The following NPR2 variants were observed in gnomAD, a reference collection of about 807,000 sequenced individuals.
The protein encoded by NPR2 is natriuretic peptide receptor 2.
Under a neutral mutation model 120.7 loss-of-function variants are expected in NPR2, and 49 were observed. The observed-to-expected ratio is 0.41, with a 90% CI of 0.32 to 0.52. The LOEUF (loss-of-function observed/expected upper bound fraction) is 0.52, where lower values mean the gene tolerates loss of function less well. NPR2 is among the 20% of genes least tolerant of loss of function. The pLI, the probability that NPR2 is intolerant of heterozygous loss-of-function variation, is 0.36. For missense variants in NPR2, 931 were observed against 1,362.9 expected (o/e 0.68, Z 4.99); for synonymous variants, 484 against 519.8 (o/e 0.93, Z 0.94).
chr9:35,809,413 G>A lies in NPR2; in HGVS notation c.3112G>A (p.Gly1038Arg). The change falls in exon 22 of 22, where the codon GGA becomes AGA. Residue 1038 changes from glycine (G) to arginine (R), a missense_variant. Around this residue, in one of 3 missense-constraint regions of NPR2, gnomAD observed 184 missense variants for 328.3 expected, o/e 0.56. Coordinates refer to ENST00000342694, the MANE Select transcript of NPR2 (RefSeq NM_003995.4). This position sits in a 1 kb window ranked among gnomAD's most constrained non-coding sequence, Gnocchi z 4.1. ...KGKMRTYWLL[G>R]ERKGPPGLL ...AAAGATGCGAACATACTGGCTCTTAGGAGAGCGGAAAGGACCTCCTGGACT... is the reference window on the plus strand; with the variant it reads ...AAAGATGCGAACATACTGGCTCTTAAGAGAGCGGAAAGGACCTCCTGGACT... 3 of 1,614,202 alleles carry A rather than the reference G, an allele frequency of 1.9e-6. No individual in the cohort carries two copies. The highest frequency in any genetic ancestry group is 2.5e-6 in the Non-Finnish European group (3 of 1,180,026).
Position 35,792,972 on chromosome 9 carries a change from T to C in NPR2, c.564T>C (p.Phe188=). Reference sequence around the variant, plus strand: ...ACTACTTCACCATCGAGGGCGTCTTTGAGGCCCTGCAGGGCAGCAACCTCA... The same window carrying C: ...ACTACTTCACCATCGAGGGCGTCTTCGAGGCCCTGCAGGGCAGCAACCTCA... ...RPHYFTIEGV[F]EALQGSNLSV... The change falls in exon 1 of 22, where the codon TTT becomes TTC. Residue 188 remains phenylalanine, a synonymous_variant. Coordinates refer to ENST00000342694, the MANE Select transcript of NPR2 (RefSeq NM_003995.4). The C allele has an allele frequency of 3.7e-6, 6 of 1,613,856 alleles. No individual in the cohort carries two copies. Among genetic ancestry groups the C allele is most frequent in the Non-Finnish European group, 5.1e-6 (6 of 1,180,018 alleles).
At position 35,801,884 on chromosome 9, in the gene NPR2, G is replaced by A. The variant is rs773676019; in HGVS notation, c.1558-42G>A. The A allele has an allele frequency of 2.8e-5, 45 of 1,609,910 alleles. No homozygotes were observed. The East Asian group carries it at 5.3e-4, about 19-fold the overall frequency. ...CCCTGCACTACCACCATCATCTAATGTTCCTTTCATCCTTCCGCCTCCATG... is the reference window on the plus strand; with the variant it reads ...CCCTGCACTACCACCATCATCTAATATTCCTTTCATCCTTCCGCCTCCATG... On this transcript the variant is annotated intron_variant, in intron 8 of 21. Coordinates refer to ENST00000342694, the MANE Select transcript of NPR2 (RefSeq NM_003995.4).
rs778020322 is a variant in NPR2 at position 35,800,023 on chromosome 9, T to A, written c.989T>A (p.Met330Lys). Residue 330 changes from methionine (M) to lysine (K), a missense_variant and splice_region_variant, in exon 4 of 22, where the codon ATG (methionine) becomes AAG (lysine). Met to Lys is a moderately conservative substitution (Grantham distance 95). Transcript: ENST00000342694. The surrounding 1 kb of genome is among the most constrained non-coding windows in gnomAD (Gnocchi z 4.7). ...DFGVELGPSLMNLIAGCFYDG... is the reference protein window; with the variant it reads ...DFGVELGPSLKNLIAGCFYDG... ...TACTGCTGAAGTTGCCACCCCCAGA[T>A]GAACCTCATCGCTGGCTGCTTCTAT... The A allele has an allele frequency of 2.5e-6, 4 of 1,613,846 alleles. No homozygotes were observed. The highest frequency in any genetic ancestry group is 2.5e-6 in the Non-Finnish European group (3 of 1,180,008).
Position 35,805,118 on chromosome 9 carries a change from G to T in NPR2, c.1888-393G>T, listed in dbSNP as rs1288936554. Among the ~76,000 whole-genome samples the T allele has an allele frequency of 6.6e-6, 1 of 152,248 alleles. No individual in the cohort carries two copies. The highest frequency in any genetic ancestry group is 1.9e-4 in the East Asian group (1 of 5,202). On this transcript the variant is annotated intron_variant, in intron 12 of 21. Transcript: ENST00000342694. The surrounding 1 kb of genome is among the most constrained non-coding windows in gnomAD (Gnocchi z 4.9). The stretch of plus-strand genomic sequence containing the variant: ...GCTACTCTTGATACCTGGGTCTCAA[G>T]TCATGTCTTCCTAATTAGTAGCCAG...
Position 35,806,622 on chromosome 9 carries a change from CT to C in NPR2, c.2519+85del. The stretch of plus-strand genomic sequence containing the variant: ...CCTCATCAGGCACCTGAGAACTCGC[CT>C]CCCCACCCTCAGAACCCTGCTGGCC... On this transcript the variant is annotated intron_variant, in intron 16 of 21. Transcript: ENST00000342694. This position sits in a 1 kb window ranked among gnomAD's most constrained non-coding sequence, Gnocchi z 4.6. 5.4e-6 allele frequency: 8 copies of C among 1,473,656 alleles called. No homozygotes were observed. Among genetic ancestry groups the C allele is most frequent in the Non-Finnish European group, 7.6e-6 (8 of 1,054,668 alleles). The allele number at this position is 1,473,656 out of a possible 1,614,324, so 91.3% of individuals were successfully genotyped here. A position where few individuals can be genotyped will look rare whatever the true frequency, so the allele number is the denominator to read the frequency against.
rs146712937 is a variant in NPR2 at position 35,800,726 on chromosome 9, G to A, written c.1236G>A (p.Ser412=). 2.8e-5 allele frequency: 45 copies of A among 1,614,034 alleles called. No homozygotes were observed. In the Admixed American group the frequency reaches 4.2e-4, roughly 15 times the overall value. ...SGDFQPAAHY[S]GAEKQIWWTG... Reference sequence around the variant, plus strand: ...CCTTACAGCCTGCAGCCCACTACTCGGGAGCTGAGAAGCAGATTTGGTGGA... The same window carrying A: ...CCTTACAGCCTGCAGCCCACTACTCAGGAGCTGAGAAGCAGATTTGGTGGA... The change falls in exon 6 of 22, where the codon TCG becomes TCA. Residue 412 remains serine (S), a synonymous_variant. Transcript: ENST00000342694. This position sits in a 1 kb window ranked among gnomAD's most constrained non-coding sequence, Gnocchi z 4.7.
Position 35,802,337 on chromosome 9 carries a change from C to A in NPR2, c.1710+54C>A. Reference sequence around the variant, plus strand: ...GTATGTAATGGAGGAGTGGGGAAAACTATGAAATAGTAAAATTGGCTAGAT... The same window carrying A: ...GTATGTAATGGAGGAGTGGGGAAAAATATGAAATAGTAAAATTGGCTAGAT... On this transcript the variant is annotated intron_variant, in intron 10 of 21. Coordinates refer to ENST00000342694, the MANE Select transcript of NPR2 (RefSeq NM_003995.4). The surrounding 1 kb of genome is among the most constrained non-coding windows in gnomAD (Gnocchi z 4.2). 8.6e-7 allele frequency: 1 copy of A among 1,159,038 alleles called. No homozygotes were observed. Among genetic ancestry groups the A allele is most frequent in the Non-Finnish European group, 1.3e-6 (1 of 768,896 alleles). 71.8% of individuals were successfully genotyped at this position (1,159,038 alleles called of 1,614,324 possible).
intron 2 of NPR2, among the ~76,000 whole-genome samples, chr9:35,795,739 C>G (rs779296177): frequency 1.7e-4 from 26 of 152,200 alleles, no homozygotes; most frequent in Admixed American, 6.5e-4. Flanking sequence ...TTCTTTAAGA[C>G]TCATACCAGT....
Position 35,800,239 on chromosome 9 carries a change from C to G in NPR2, c.1123+82C>G, listed in dbSNP as rs937682786. ...GAAGAAGAAACAGATGTCAGGATCACCACAGCTTTAGTGGGGGTTAGTGAA... is the reference window on the plus strand; with the variant it reads ...GAAGAAGAAACAGATGTCAGGATCAGCACAGCTTTAGTGGGGGTTAGTGAA... On this transcript the variant is annotated intron_variant, in intron 4 of 21. Coordinates refer to ENST00000342694, the MANE Select transcript of NPR2 (RefSeq NM_003995.4). The surrounding 1 kb of genome is among the most constrained non-coding windows in gnomAD (Gnocchi z 4.7). The G allele has an allele frequency of 4.8e-6, 7 of 1,468,334 alleles. No individual in the cohort carries two copies. In the Admixed American group the frequency reaches 1.2e-4, roughly 25 times the overall value. 91.0% of individuals were successfully genotyped at this position (1,468,334 alleles called of 1,614,324 possible).
At chr9:35,803,612 T>G (rs757354262) in intron 12 of NPR2, among the ~76,000 whole-genome samples, 19 of 152,354 alleles carry the variant, frequency 1.2e-4, no homozygotes, top group East Asian at 5.8e-4. Context: ...GGTACTCTTC[T>G]GTTATACTAG....
Position 35,792,189 on chromosome 9 carries a change from G to T in NPR2, c.-220G>T. The T allele has an allele frequency of 2.1e-5, 8 of 374,602 alleles. No homozygotes were observed. Among genetic ancestry groups the T allele is most frequent in the Admixed American group, 4.2e-5 (1 of 23,670 alleles). 23.2% of individuals were successfully genotyped at this position (374,602 alleles called of 1,614,324 possible). A position where few individuals can be genotyped will look rare whatever the true frequency, so the allele number is the denominator to read the frequency against. On this transcript the variant is annotated 5_prime_UTR_variant, in exon 1 of 22. Transcript: ENST00000342694. ...ACCCCGTTCTCAGTCCTCAGTCCTTGCCCTAGGCTGGTAGCCCACTCCTTG... is the reference window on the plus strand; with the variant it reads ...ACCCCGTTCTCAGTCCTCAGTCCTTTCCCTAGGCTGGTAGCCCACTCCTTG...
rs1224063806 is a variant in NPR2 at position 35,792,225 on chromosome 9, G to A, written c.-184G>A. 6.5e-6 allele frequency: 1 copy of A among 153,630 alleles called. No individual in the cohort carries two copies. Among genetic ancestry groups the A allele is most frequent in the Non-Finnish European group, 1.1e-5 (1 of 89,658 alleles). The allele number at this position is 153,630 out of a possible 1,614,324, so 9.5% of individuals were successfully genotyped here. A position where few individuals can be genotyped will look rare whatever the true frequency, so the allele number is the denominator to read the frequency against. The stretch of plus-strand genomic sequence containing the variant: ...GTAGCCCACTCCTTGCCCGCCCCCC[G>A]CCTTCCTCCCATCTCCCCCTCCTCT... On this transcript the variant is annotated 5_prime_UTR_variant, in exon 1 of 22. Transcript: ENST00000342694.
rs750173260 is a variant in NPR2 at position 35,806,240 on chromosome 9, G to C, written c.2372+7G>C. On this transcript the variant is annotated splice_region_variant and intron_variant, in intron 15 of 21. Transcript: ENST00000342694. This position sits in a 1 kb window ranked among gnomAD's most constrained non-coding sequence, Gnocchi z 4.6. ...TCATTCGGCGCTTTAACAAGTGAGA[G>C]GGCATTATGGGGCAGGGGCTTCCCA... The C allele has an allele frequency of 9.3e-6, 15 of 1,613,986 alleles. No individual in the cohort carries two copies. Among genetic ancestry groups the C allele is most frequent in the Non-Finnish European group, 1.3e-5 (15 of 1,180,042 alleles).
chr9:35,806,835 C>A lies in NPR2; in HGVS notation c.2520-188C>A, dbSNP rs1390495829. ...CCATGCACAGGGATTCCCCTCAAACCCCCCCGCCACTTGTGTGCCTTACCT... is the reference window on the plus strand; with the variant it reads ...CCATGCACAGGGATTCCCCTCAAACACCCCCGCCACTTGTGTGCCTTACCT... On this transcript the variant is annotated intron_variant, in intron 16 of 21. Coordinates refer to ENST00000342694, the MANE Select transcript of NPR2 (RefSeq NM_003995.4). The surrounding 1 kb of genome is among the most constrained non-coding windows in gnomAD (Gnocchi z 4.6). Among the ~76,000 whole-genome samples the A allele has an allele frequency of 3.9e-5, 6 of 152,248 alleles. No individual in the cohort carries two copies. Among genetic ancestry groups the A allele is most frequent in the Non-Finnish European group, 2.9e-5 (2 of 67,988 alleles).
chr9:35,803,607 T>C (rs796640731), intron 12 of NPR2, among the ~76,000 whole-genome samples: 3 of 152,362 alleles, frequency 2.0e-5, no homozygotes, highest in African/African-American at 7.2e-5. Context: ...CCTTTGGTAC[T>C]CTTCTGTTAT....
chr9:35,792,353 C>A lies in NPR2; in HGVS notation c.-56C>A. 6.4e-7 allele frequency: 1 copy of A among 1,574,600 alleles called. No homozygotes were observed. Among genetic ancestry groups the A allele is most frequent in the East Asian group, 2.3e-5 (1 of 43,982 alleles). ...AGGCTGGGGGGTGCTCGCGTCTCCC[C>A]TGTAGGCCAGAGCAGCCCCAAGTTC... On this transcript the variant is annotated 5_prime_UTR_variant, in exon 1 of 22. The change creates a new upstream start codon in the 5' untranslated region. Transcript: ENST00000342694.
chr9:35,793,020 C>T lies in NPR2; in HGVS notation c.612C>T (p.Ala204=), dbSNP rs754984777. The change falls in exon 1 of 22, where the codon GCC becomes GCT. Residue 204 remains alanine, a synonymous_variant. Transcript: ENST00000342694. ...SNLSVQHQVY[A]REPGGPEQAT... ...TCAGTGTGCAGCACCAGGTGTATGC[C>T]CGAGAGCCAGGGGGCCCCGAGCAGG... The T allele has an allele frequency of 6.2e-7, 1 of 1,609,582 alleles. No homozygotes were observed. The highest frequency in any genetic ancestry group is 2.2e-5 in the East Asian group (1 of 44,796).
intron 1 of NPR2, 32 bp downstream of exon 1, chr9:35,793,107 G>A (rs1356428507): frequency 6.4e-7 from 1 of 1,560,202 alleles, no homozygotes; most frequent in South Asian, 1.2e-5. Flanking sequence ...TTAGGGTCAT[G>A]GGAGGAGGGT....
chr9:35,801,473 A>G (rs369671173), intron 7 of NPR2, among the ~76,000 whole-genome samples, 170 bp from the exon 8 acceptor site: 2 of 152,234 alleles, frequency 1.3e-5, no homozygotes, highest in Non-Finnish European at 2.9e-5. Context: ...GTTAGTGAGC[A>G]TAGGGCATGT....
Sources: gnomAD v4.1 joint callset for allele counts (sites outside exome capture counted in the v4.1 genomes callset) on GRCh38, gnomAD v4.1.1 for gene constraint, gnomAD v4.1.1 regional missense constraint, Gnocchi (gnomAD v3.1) non-coding constraint, MANE v1.5 for transcripts, NCBI Gene and HGNC (gene_info 2026-07-23, HGNC 2026-07-21) for gene names.